Variants in PACRG observed in about 807,000 individuals in gnomAD.
The protein encoded by PACRG is parkin coregulated.
Under a neutral mutation model 29.7 loss-of-function variants are expected in PACRG, and 29 were observed. The observed-to-expected ratio is 0.98, with a 90% confidence interval of 0.73 to 1.33. PACRG has a LOEUF of 1.33. PACRG is among the 40% of genes most tolerant of loss of function. The pLI is 0.00. For missense variants in PACRG, 279 were observed against 316.2 expected (o/e 0.88, Z 0.89); for synonymous variants, 116 against 118.7 (o/e 0.98, Z 0.15).
chr6:162,859,081 C>G (rs753486837), intron 2 of PACRG, among the ~76,000 whole-genome samples: 1 of 152,066 alleles, frequency 6.6e-6, no homozygotes, highest in African/African-American at 2.4e-5. Flanking sequence ...TTGGAGGCCT[C>G]CATGAAGGCA....
upstream of PACRG, chr6:162,727,827 A>G: frequency 1.4e-6 from 1 of 725,168 alleles, no homozygotes; most frequent in Non-Finnish European, 2.3e-6. Context: ...GGCGCGGCCC[A>G]GGGCCTGCTG....
At chr6:163,056,057 G>C (rs1166477288) in intron 2 of PACRG, among the ~76,000 whole-genome samples, 2 of 152,184 alleles carry the variant, frequency 1.3e-5, no homozygotes, top group African/African-American at 4.8e-5. Flanking sequence ...TAAACCACAG[G>C]AAATACCATT....
chr6:162,974,088 A>G (rs1360083658), intron 2 of PACRG, among the ~76,000 whole-genome samples: 1 of 152,178 alleles, frequency 6.6e-6, no homozygotes, highest in Non-Finnish European at 1.5e-5. Context: ...AAAATAGAAG[A>G]AAAGGGCCCT....
chr6:162,879,693 C>G (rs1793670660), intron 2 of PACRG, among the ~76,000 whole-genome samples: 1 of 152,212 alleles, frequency 6.6e-6, no homozygotes, highest in African/African-American at 2.4e-5. Flanking sequence ...GTGGGCCAGG[C>G]CCCGAGCTGG....
At chr6:163,259,463 C>T (rs942779355) in intron 4 of PACRG, among the ~76,000 whole-genome samples, 10 of 152,140 alleles carry the variant, frequency 6.6e-5, no homozygotes, top group African/African-American at 2.2e-4. Context: ...CCTCTTCAGC[C>T]ACTGAACCAT....
At chr6:163,153,784 G>A (rs1778200604) in intron 4 of PACRG, among the ~76,000 whole-genome samples, 1 of 152,218 alleles carries the variant, frequency 6.6e-6, no homozygotes, top group South Asian at 2.1e-4. Context: ...AGTGAGAACA[G>A]TACAACTCAA....
intron 2 of PACRG, among the ~76,000 whole-genome samples, chr6:162,847,500 T>C (rs1225869932): frequency 3.3e-5 from 5 of 151,278 alleles, no homozygotes; most frequent in Non-Finnish European, 7.4e-5. Context: ...TGTTTATTTT[T>C]GCTCAGCAAT....
chr6:163,271,099 A>G (rs558421434), intron 4 of PACRG, among the ~76,000 whole-genome samples: 2 of 152,288 alleles, frequency 1.3e-5, no homozygotes, highest in East Asian at 1.9e-4. Flanking sequence ...AAGGTCCAAG[A>G]GTCCCAAAGC....
intron 3 of PACRG, among the ~76,000 whole-genome samples, chr6:163,075,498 T>C (rs912103687): frequency 2.0e-5 from 3 of 152,132 alleles, no homozygotes; most frequent in African/African-American, 7.2e-5. Flanking sequence ...GGAAAATTTA[T>C]TAAACAATAT....
intron 2 of PACRG, among the ~76,000 whole-genome samples, chr6:162,899,770 T>C (rs1795424468): frequency 6.6e-6 from 1 of 152,156 alleles, no homozygotes; most frequent in Non-Finnish European, 1.5e-5. Flanking sequence ...ATATTCACAT[T>C]GTGAAACCTT....
intron 2 of PACRG, among the ~76,000 whole-genome samples, chr6:162,975,309 A>G (rs1161527787): frequency 6.6e-6 from 1 of 152,238 alleles, no homozygotes; most frequent in African/African-American, 2.4e-5. Flanking sequence ...TGTAAATATA[A>G]ACTGGCCCTG....
intron 1 of PACRG, among the ~76,000 whole-genome samples, chr6:162,780,183 T>A (rs1783986736): frequency 6.6e-6 from 1 of 152,108 alleles, no homozygotes; most frequent in Admixed American, 6.6e-5. Context: ...AAGTAAGAAA[T>A]AGTTCCTTTT....
intron 2 of PACRG, among the ~76,000 whole-genome samples, chr6:162,953,771 G>T (rs1327485120): frequency 6.8e-6 from 1 of 146,484 alleles, no homozygotes; most frequent in African/African-American, 2.5e-5. Context: ...GATAACACAA[G>T]AAAGAACAGT....
At chr6:162,868,643 C>G (rs1584595540) in intron 2 of PACRG, among the ~76,000 whole-genome samples, 2 of 152,176 alleles carry the variant, frequency 1.3e-5, no homozygotes, top group African/African-American at 2.4e-5. Context: ...AGGGCGCACC[C>G]GAGCCGCCAG....
At chr6:162,955,460 C>T (rs550911268) in intron 2 of PACRG, among the ~76,000 whole-genome samples, 65 of 152,090 alleles carry the variant, frequency 4.3e-4, no homozygotes, top group Non-Finnish European at 8.2e-4. Context: ...CCACCACACC[C>T]GGCTAATTTT....
chr6:163,028,584 C>T (rs780674777), intron 2 of PACRG, among the ~76,000 whole-genome samples: 1 of 152,104 alleles, frequency 6.6e-6, no homozygotes, highest in Admixed American at 6.6e-5. Context: ...ATATGATTCA[C>T]TGAAATATGA....
At chr6:163,009,492 T>C (rs1168905334) in intron 2 of PACRG, among the ~76,000 whole-genome samples, 1 of 152,224 alleles carries the variant, frequency 6.6e-6, no homozygotes, top group African/African-American at 2.4e-5. Context: ...ATGATTTCAA[T>C]AGCAATAAAG....
chr6:162,794,747 A>T (rs1409321030), intron 1 of PACRG, among the ~76,000 whole-genome samples: 1 of 152,154 alleles, frequency 6.6e-6, no homozygotes, highest in African/African-American at 2.4e-5. Context: ...TTATGCAATC[A>T]CTCAAGAAAT....
intron 4 of PACRG, among the ~76,000 whole-genome samples, chr6:163,163,617 A>C (rs966625010): frequency 6.6e-6 from 1 of 151,780 alleles, no homozygotes; most frequent in African/African-American, 2.4e-5. Context: ...GGATTTTATT[A>C]GTATAAAAAA....
Sources: gnomAD v4.1 joint callset for allele counts (sites outside exome capture counted in the v4.1 genomes callset) on GRCh38, gnomAD v4.1.1 for gene constraint, MANE v1.5 for transcripts, NCBI Gene and HGNC (gene_info 2026-07-23, HGNC 2026-07-21) for gene names.